The following CDH26 variants were observed in gnomAD, a reference collection of about 807,000 sequenced individuals.
CDH26 encodes the protein cadherin-like protein 26.
Under a neutral mutation model 90.3 loss-of-function variants are expected in CDH26, and 83 were observed. That is an observed-to-expected ratio of 0.92 (90% CI 0.77 to 1.10). The LOEUF is 1.10. CDH26 is among the 50% of genes least tolerant of loss of function. The pLI, the probability that CDH26 is intolerant of heterozygous loss-of-function variation, is 0.00. For missense variants in CDH26, 1,013 were observed against 1,037.6 expected, an observed-to-expected ratio of 0.98 and a Z score of 0.33; for synonymous variants, 397 against 396.3, an observed-to-expected ratio of 1.00 and a Z score of -0.02.
In CDH26 at chr20:60,008,909, G is replaced by T. The variant is rs1033221756; in HGVS notation, c.2295+2122G>T. Among the ~76,000 whole-genome samples, 3 of 152,204 alleles carry T rather than the reference G, an allele frequency of 2.0e-5. No individual in the cohort carries two copies. The East Asian group carries it at 5.8e-4, about 29-fold the overall frequency. On this transcript the variant is annotated intron_variant, in intron 17 of 17. Coordinates refer to ENST00000348616, the MANE Select transcript of CDH26 (RefSeq NM_177980.4). Reference sequence around the variant, plus strand: ...CTTTGCCTAAAAGCAGGCAAGCCAGGCTCCTGCAGAAGGGGGCTGTGTACC... The same window carrying T: ...CTTTGCCTAAAAGCAGGCAAGCCAGTCTCCTGCAGAAGGGGGCTGTGTACC...
chr20:60,033,857 C>T (rs2062064020), exon 9 of CDH26: 2 of 926,126 alleles, frequency 2.2e-6, no homozygotes, highest in African/African-American at 1.8e-5. Flanking sequence ...AACTTTTCCT[C>T]TGCAAACTGT....
chr20:59,993,807 G>A lies in CDH26; in HGVS notation c.1427-443G>A, dbSNP rs143984691. Among the ~76,000 whole-genome samples the A allele has an allele frequency of 4.6e-5, 7 of 152,252 alleles. No homozygotes were observed. The East Asian group carries it at 1.4e-3, about 29-fold the overall frequency. On this transcript the variant is annotated intron_variant, in intron 10 of 17. Coordinates refer to ENST00000348616, the MANE Select transcript of CDH26 (RefSeq NM_177980.4). ...ATCTAGTGGATCCTGAGTATCCTTT[G>A]CCAGTTTTCCCCAGGGGCAACACCT...
At chr20:60,026,781 T>G (rs1338024599) in intron 7 of CDH26, among the ~76,000 whole-genome samples, 2 of 152,224 alleles carry the variant, frequency 1.3e-5, no homozygotes, top group African/African-American at 4.8e-5. Context: ...ACTTCTGACC[T>G]ACAGACCCTG....
At chr20:59,993,571 G>C (rs1601159424) in intron 10 of CDH26, among the ~76,000 whole-genome samples, 1 of 152,148 alleles carries the variant, frequency 6.6e-6, no homozygotes, top group Non-Finnish European at 1.5e-5. Flanking sequence ...CTCTATTCAA[G>C]TGTCTGCAAA....
chr20:59,982,501 A>G, intron 4 of CDH26, among the ~76,000 whole-genome samples: 1 of 152,216 alleles, frequency 6.6e-6, no homozygotes, highest in East Asian at 1.9e-4. Flanking sequence ...GCTAGTTACT[A>G]TAAATGTTCA....
At chr20:59,962,574 A>T (rs745861421) in intron 1 of CDH26, among the ~76,000 whole-genome samples, 1 of 152,230 alleles carries the variant, frequency 6.6e-6, no homozygotes, top group Non-Finnish European at 1.5e-5. Context: ...ACTTCATCTT[A>T]ACTGTAATTC....
chr20:60,017,491 T>G (rs2146028243), downstream of CDH26, among the ~76,000 whole-genome samples: 1 of 152,186 alleles, frequency 6.6e-6, no homozygotes, highest in Middle Eastern at 3.4e-3. Context: ...ACTTGAATCT[T>G]TTCTCTTGTT....
chr20:59,984,617 A>C (rs2061430096), intron 5 of CDH26, 22 bp from the exon 6 acceptor site: 3 of 1,599,616 alleles, frequency 1.9e-6, no homozygotes, highest in Admixed American at 3.5e-5. Flanking sequence ...TGATAGTAAC[A>C]ATTTTTAAAA....
intron 1 of CDH26, among the ~76,000 whole-genome samples, chr20:59,968,273 T>TTTTCAGTAGAGATGGGG (rs1263671544): frequency 1.3e-5 from 2 of 151,884 alleles, no homozygotes; most frequent in Non-Finnish European, 2.9e-5. Context: ...AATTTTTGTA[T>TTTTCAGTAGAGATGGGG]TTTCAGTAGA....
intron 10 of CDH26, 189 bp from the exon 11 acceptor site, chr20:59,994,061 C>A: frequency 1.5e-6 from 1 of 668,536 alleles, no homozygotes; most frequent in South Asian, 2.1e-5. Flanking sequence ...ATTAGCTTAC[C>A]CAAATATTCT....
chr20:59,997,708 A>G (rs1398979633), intron 13 of CDH26, among the ~76,000 whole-genome samples: 1 of 152,256 alleles, frequency 6.6e-6, no homozygotes, highest in Non-Finnish European at 1.5e-5. Flanking sequence ...ACACACACAG[A>G]GGATTCGGTC....
At chr20:60,006,875 T>A in intron 17 of CDH26, 88 bp downstream of exon 17, 1 of 945,786 alleles carries the variant, frequency 1.1e-6, no homozygotes, top group East Asian at 2.4e-5. Context: ...CACTTCCTCC[T>A]AAATCACTGC....
intron 4 of CDH26, among the ~76,000 whole-genome samples, chr20:59,972,488 A>T (rs1160950893): frequency 1.3e-5 from 2 of 152,182 alleles, no homozygotes. Flanking sequence ...GCCATAACAG[A>T]CCCAATGGGT....
At chr20:59,995,095 G>T (rs998245300) in intron 11 of CDH26, among the ~76,000 whole-genome samples, 1 of 152,336 alleles carries the variant, frequency 6.6e-6, no homozygotes, top group East Asian at 1.9e-4. Flanking sequence ...AGCTGAAACT[G>T]TGTGCTCAAG....
intron 4 of CDH26, 98 bp downstream of exon 4, chr20:59,972,221 C>G: frequency 3.5e-6 from 4 of 1,137,814 alleles, no homozygotes; most frequent in Non-Finnish European, 5.0e-6. Flanking sequence ...GTGCCAGGTT[C>G]CGGGAGATTG....
intron 1 of CDH26, among the ~76,000 whole-genome samples, chr20:59,962,477 T>C (rs1170035673): frequency 6.6e-6 from 1 of 152,196 alleles, no homozygotes; most frequent in East Asian, 1.9e-4. Context: ...TCTCTGCCCC[T>C]GTCATGACAT....
At chr20:59,991,055 A>T (rs1362735677) in intron 9 of CDH26, among the ~76,000 whole-genome samples, 1 of 152,048 alleles carries the variant, frequency 6.6e-6, no homozygotes, top group African/African-American at 2.4e-5. Flanking sequence ...ATTTTAGTAG[A>T]GACGGGGTTT....
At chr20:59,984,416 G>A (rs2061428035) in intron 5 of CDH26, among the ~76,000 whole-genome samples, 1 of 152,222 alleles carries the variant, frequency 6.6e-6, no homozygotes, top group East Asian at 1.9e-4. Flanking sequence ...ATCCACCAAT[G>A]TAAGTCTTCT....
chr20:59,962,103 C>T (rs777585514), intron 1 of CDH26, among the ~76,000 whole-genome samples: 29 of 152,080 alleles, frequency 1.9e-4, no homozygotes, highest in Non-Finnish European at 2.8e-4. Context: ...AGAGGTGAAG[C>T]TGAGAGGGTC....
Sources: gnomAD v4.1 joint callset for allele counts (sites outside exome capture counted in the v4.1 genomes callset) on GRCh38, gnomAD v4.1.1 for gene constraint, MANE v1.5 for transcripts, NCBI Gene and HGNC (gene_info 2026-07-23, HGNC 2026-07-21) for gene names.